Variants in ST6GALNAC3 observed in about 807,000 individuals in gnomAD.
The protein encoded by ST6GALNAC3 is ST6 N-acetylgalactosaminide alpha-2,6-sialyltransferase 3.
In ST6GALNAC3, 25 loss-of-function variants were observed where a neutral mutation model predicts 32.7. The ratio of observed to expected loss-of-function variants is 0.76; its 90% CI spans 0.56 to 1.07. The LOEUF is 1.07. Ranked by LOEUF, ST6GALNAC3 falls within the 50% of genes least tolerant of loss-of-function variation. ST6GALNAC3 has a pLI of 0.00. For missense variants in ST6GALNAC3, 355 were observed against 382.4 expected, an observed-to-expected ratio of 0.93 and a Z score of 0.60; for synonymous variants, 129 against 133.1, an observed-to-expected ratio of 0.97 and a Z score of 0.21.
chr1:76,317,931 T>A (rs1646895661), intron 2 of ST6GALNAC3, among the ~76,000 whole-genome samples: 1 of 152,148 alleles, frequency 6.6e-6, no homozygotes, highest in Non-Finnish European at 1.5e-5. Flanking sequence ...TAAAAATAGA[T>A]GACTCTGGTC....
At chr1:76,093,936 C>T (rs1349365420) in intron 1 of ST6GALNAC3, among the ~76,000 whole-genome samples, 2 of 152,238 alleles carry the variant, frequency 1.3e-5, no homozygotes, top group African/African-American at 4.8e-5. Context: ...ATTGAGGTTT[C>T]TCCTGTGTGA....
chr1:76,548,492 C>T (rs1361726700), intron 3 of ST6GALNAC3, among the ~76,000 whole-genome samples: 1 of 152,060 alleles, frequency 6.6e-6, no homozygotes, highest in Non-Finnish European at 1.5e-5. Flanking sequence ...TATGCTTCAC[C>T]CCAGCATCAC....
chr1:76,450,721 G>A (rs139824423), intron 3 of ST6GALNAC3, among the ~76,000 whole-genome samples: 19 of 152,190 alleles, frequency 1.2e-4, no homozygotes, highest in African/African-American at 2.9e-4. Flanking sequence ...ATCTTGAGTC[G>A]ATTTTTGTAA....
intron 3 of ST6GALNAC3, among the ~76,000 whole-genome samples, chr1:76,552,008 G>T (rs565142525): frequency 9.2e-5 from 14 of 152,182 alleles, no homozygotes; most frequent in Non-Finnish European, 1.8e-4. Context: ...GCTGCAGGTG[G>T]GGGAGGTCAA....
intron 3 of ST6GALNAC3, among the ~76,000 whole-genome samples, chr1:76,589,325 A>T (rs1035324533): frequency 5.3e-5 from 8 of 152,200 alleles, no homozygotes; most frequent in Admixed American, 2.0e-4. Flanking sequence ...TCCCAGGTTA[A>T]AAAGAATAAC....
intron 3 of ST6GALNAC3, among the ~76,000 whole-genome samples, chr1:76,494,273 T>G (rs116101824): frequency 0.015 from 2,341 of 151,590 alleles, 38 homozygotes; most frequent in Non-Finnish European, 0.02. Flanking sequence ...TATTTTTAGG[T>G]AAAGTTGCTT....
chr1:76,486,869 G>T (rs1660155412), intron 3 of ST6GALNAC3, among the ~76,000 whole-genome samples: 1 of 152,186 alleles, frequency 6.6e-6, no homozygotes, highest in Admixed American at 6.5e-5. Flanking sequence ...CGTACCGGTT[G>T]TTCCTTTCCA....
At position 76,243,922 on chromosome 1, in the gene ST6GALNAC3, G is replaced by C. The variant is rs540419388; in HGVS notation, c.19-69883G>C. Among the ~76,000 whole-genome samples, 19 of 152,204 alleles carry C rather than the reference G, an allele frequency of 1.2e-4. No individual in the cohort carries two copies. In the East Asian group the frequency reaches 3.7e-3, roughly 29 times the overall value. ...GCTCTTTTTGCTTAGGATTGTCTTG[G>C]CTATACAGGCTCCTTTTTGTTCCAT... On this transcript the variant is annotated intron_variant, in intron 1 of 4. Transcript: ENST00000328299.
chr1:76,351,145 C>T (rs986289975), intron 2 of ST6GALNAC3, among the ~76,000 whole-genome samples: 6 of 152,020 alleles, frequency 3.9e-5, no homozygotes, highest in Non-Finnish European at 7.4e-5. Flanking sequence ...CTACATTTTT[C>T]TTTTTTGTGT....
chr1:76,281,908 CTG>C (rs1355236640), intron 1 of ST6GALNAC3, among the ~76,000 whole-genome samples: 1 of 152,062 alleles, frequency 6.6e-6, no homozygotes, highest in African/African-American at 2.4e-5. Context: ...GTGCTGGGTG[CTG>C]TAGTGGGCAC....
intron 3 of ST6GALNAC3, among the ~76,000 whole-genome samples, chr1:76,520,587 C>G (rs1263235705): frequency 6.6e-6 from 1 of 152,026 alleles, no homozygotes; most frequent in Non-Finnish European, 1.5e-5. Context: ...ATTTGTGGTT[C>G]ATCTGGAAAA....
At chr1:76,112,177 C>T (rs2631783) in intron 1 of ST6GALNAC3, among the ~76,000 whole-genome samples, 1 of 141,572 alleles carries the variant, frequency 7.1e-6, no homozygotes, top group Non-Finnish European at 1.5e-5. Context: ...CTCCTCTCTT[C>T]CCAGTAGGGG....
At chr1:76,532,270 T>A (rs765652637) in intron 3 of ST6GALNAC3, among the ~76,000 whole-genome samples, 2 of 152,208 alleles carry the variant, frequency 1.3e-5, no homozygotes, top group Non-Finnish European at 2.9e-5. Flanking sequence ...GCCTGACATC[T>A]GCTTTTTATT....
intron 1 of ST6GALNAC3, among the ~76,000 whole-genome samples, chr1:76,213,860 A>C (rs1265193504): frequency 1.3e-5 from 2 of 152,224 alleles, no homozygotes; most frequent in Non-Finnish European, 2.9e-5. Context: ...AACATCTCAC[A>C]AAAGGGATAT....
chr1:76,286,865 C>A, intron 1 of ST6GALNAC3, among the ~76,000 whole-genome samples: 1 of 152,210 alleles, frequency 6.6e-6, no homozygotes, highest in East Asian at 1.9e-4. Context: ...AGTTCCTTTT[C>A]ACCTGTGTCA....
chr1:76,172,391 G>A (rs1652576444), intron 1 of ST6GALNAC3, among the ~76,000 whole-genome samples: 1 of 152,116 alleles, frequency 6.6e-6, no homozygotes, highest in Non-Finnish European at 1.5e-5. Flanking sequence ...ATATTGAATG[G>A]GCAAAAGCTG....
At chr1:76,222,788 G>C (rs1570486492) in intron 1 of ST6GALNAC3, among the ~76,000 whole-genome samples, 1 of 152,202 alleles carries the variant, frequency 6.6e-6, no homozygotes, top group East Asian at 1.9e-4. Context: ...CAGCTGACAA[G>C]GGATATGAAA....
At chr1:76,209,927 T>C (rs899879514) in intron 1 of ST6GALNAC3, among the ~76,000 whole-genome samples, 1 of 152,178 alleles carries the variant, frequency 6.6e-6, no homozygotes, top group African/African-American at 2.4e-5. Context: ...TCAAGTTATA[T>C]TCAAACAACT....
At chr1:76,159,563 C>G (rs1454174483) in intron 1 of ST6GALNAC3, among the ~76,000 whole-genome samples, 2 of 152,318 alleles carry the variant, frequency 1.3e-5, no homozygotes, top group African/African-American at 2.4e-5. Context: ...CTTCACCACT[C>G]TCTGTTCTAC....
Sources: gnomAD v4.1 joint callset for allele counts (sites outside exome capture counted in the v4.1 genomes callset) on GRCh38, gnomAD v4.1.1 for gene constraint, MANE v1.5 for transcripts, NCBI Gene and HGNC (gene_info 2026-07-23, HGNC 2026-07-21) for gene names.